The following ZFYVE16 variants were observed in gnomAD, a reference collection of about 807,000 sequenced individuals.
The protein encoded by ZFYVE16 is zinc finger FYVE-type containing 16.
ZFYVE16 carries 89 observed loss-of-function variants against 138.1 expected under a neutral mutation model. That is an observed-to-expected ratio of 0.64 (90% CI 0.54 to 0.77). The LOEUF is 0.77. Among genes scored for constraint, ZFYVE16 ranks in the 30% least tolerant of loss-of-function variants. ZFYVE16 has a pLI of 0.00. For missense variants in ZFYVE16, 1,793 were observed against 1,786.7 expected, an observed-to-expected ratio of 1.00 and a Z score of -0.06; for synonymous variants, 596 against 618.3, an observed-to-expected ratio of 0.96 and a Z score of 0.53.
chr5:80,421,281 G>A (rs1304854991), intron 1 of ZFYVE16, among the ~76,000 whole-genome samples: 1 of 152,166 alleles, frequency 6.6e-6, no homozygotes, highest in African/African-American at 2.4e-5. Flanking sequence ...CTTTTGCTGT[G>A]CAGATGCTCT....
intron 6 of ZFYVE16, 77 bp downstream of exon 6, chr5:80,443,361 T>G: frequency 1.3e-6 from 2 of 1,500,106 alleles, no homozygotes; most frequent in South Asian, 2.6e-5. Context: ...CAGAGTCTAG[T>G]CAGGAAAGAG....
Position 80,438,381 on chromosome 5 carries a change from A to G in ZFYVE16, c.1696A>G (p.Met566Val), listed in dbSNP as rs773949124. 2 of 1,613,898 alleles carry G rather than the reference A, an allele frequency of 1.2e-6. No homozygotes were observed. Among genetic ancestry groups the G allele is most frequent in the East Asian group, 2.2e-5 (1 of 44,874 alleles). The change falls in exon 4 of 19, where the codon ATG (methionine) becomes GTG (valine). Residue 566 changes from methionine (M) to valine (V), a missense_variant. This residue lies in a region of ZFYVE16 where 1,295 missense variants were observed against 1,204.3 expected (regional missense o/e 1.08). Transcript: ENST00000505560. ...DSKSQMNQID[M>V]KGLDDGNINN... ...TAAATCGCAAATGAATCAGATAGAT[A>G]TGAAAGGCTTAGATGATGGAAACAT... is the stretch of plus-strand genomic sequence containing the variant.
chr5:80,455,867 A>G, intron 12 of ZFYVE16, 93 bp downstream of exon 12: 3 of 1,068,292 alleles, frequency 2.8e-6, no homozygotes, highest in Admixed American at 3.3e-5. Context: ...TCCTACTTTA[A>G]TTTGCCATAT....
rs545887924 is a variant in ZFYVE16, at chr5:80,420,666, A to G, written c.-93-6826A>G. On this transcript the variant is annotated intron_variant, in intron 1 of 18. Transcript: ENST00000505560. ...ATGCATAGTATTCCATGGTGTATAT[A>G]TGCCACATTTTCTTAATCCAGTCTA... 8.2e-3 allele frequency among the ~76,000 whole-genome samples: 1,254 copies of G among 152,270 alleles called. 7 individuals carry two copies. Among genetic ancestry groups the G allele is most frequent in the African/African-American group, 0.014 (569 of 41,562 alleles).
At position 80,448,155 on chromosome 5, in the gene ZFYVE16, A is replaced by G. The variant is rs201276987; in HGVS notation, c.2854A>G (p.Met952Val). The change falls in exon 8 of 19, where the codon ATG (methionine) becomes GTG (valine). Residue 952 changes from methionine to valine, a missense_variant. Transcript: ENST00000505560. ...GGTTCCATCAGTGGAAAAATTGTCT[A>G]TGAACACAGGAAATGAGGGGTTACC... is the stretch of plus-strand genomic sequence containing the variant. ...SQVPSVEKLS[M>V]NTGNEGLPTS... 6.8e-6 allele frequency: 11 copies of G among 1,613,914 alleles called. No homozygotes were observed. The highest frequency in any genetic ancestry group is 5.3e-5 in the African/African-American group (4 of 74,934).
At chr5:80,421,509 T>A (rs139444001) in intron 1 of ZFYVE16, among the ~76,000 whole-genome samples, 3,246 of 152,252 alleles carry the variant, frequency 0.021, 117 homozygotes, top group African/African-American at 0.072. Flanking sequence ...AGCTTTCTTT[T>A]TATGGCTAGC....
rs1752577266 is a variant in ZFYVE16, at chr5:80,456,835, C to T, written c.3796-110C>T. The T allele has an allele frequency of 3.1e-6, 4 of 1,303,676 alleles. No individual in the cohort carries two copies. In the South Asian group the frequency reaches 6.5e-5, roughly 21 times the overall value. The allele number at this position is 1,303,676 out of a possible 1,614,324, so 80.8% of individuals were successfully genotyped here. ...TCCATCACATTCCCAGGGAGCTGTCCAGACCGAAGCTTGATAATTATGAAG... is the reference window on the plus strand; with the variant it reads ...TCCATCACATTCCCAGGGAGCTGTCTAGACCGAAGCTTGATAATTATGAAG... On this transcript the variant is annotated intron_variant, in intron 13 of 18. Coordinates refer to ENST00000505560, the MANE Select transcript of ZFYVE16 (RefSeq NM_001284236.3).
At position 80,458,231 on chromosome 5, in the gene ZFYVE16, A is replaced by G. The variant is rs945837100; in HGVS notation, c.3943+1139A>G. Among the ~76,000 whole-genome samples, 6 of 152,112 alleles carry G rather than the reference A, an allele frequency of 3.9e-5. No individual in the cohort carries two copies. The East Asian group carries it at 1.2e-3, about 29-fold the overall frequency. Reference sequence around the variant, plus strand: ...TTGCCACTAAAATTTAACAATTTTTAATATTTATTTGTTGAATAGGTATAT... The same window carrying G: ...TTGCCACTAAAATTTAACAATTTTTGATATTTATTTGTTGAATAGGTATAT... On this transcript the variant is annotated intron_variant, in intron 14 of 18. Coordinates refer to ENST00000505560, the MANE Select transcript of ZFYVE16 (RefSeq NM_001284236.3).
intron 1 of ZFYVE16, among the ~76,000 whole-genome samples, chr5:80,423,702 A>C (rs1561240889): frequency 6.6e-6 from 1 of 150,576 alleles, no homozygotes; most frequent in African/African-American, 2.4e-5. Context: ...TGCCTGGCTA[A>C]TTTTTTTTGT....
intron 15 of ZFYVE16, among the ~76,000 whole-genome samples, chr5:80,470,136 C>CT (rs1474715043): frequency 7.3e-6 from 1 of 137,880 alleles, no homozygotes; most frequent in African/African-American, 2.7e-5. Flanking sequence ...GAGTCTCACC[C>CT]TTTCACCCAG....
intron 1 of ZFYVE16, among the ~76,000 whole-genome samples, chr5:80,415,330 A>G (rs1746044971): frequency 6.6e-6 from 1 of 152,244 alleles, no homozygotes; most frequent in Non-Finnish European, 1.5e-5. Context: ...TTAGTGAACT[A>G]GTATTGATAC....
chr5:80,412,504 C>CTGAA (rs1745596533), intron 1 of ZFYVE16, among the ~76,000 whole-genome samples: 1 of 152,124 alleles, frequency 6.6e-6, no homozygotes, highest in East Asian at 1.9e-4. Flanking sequence ...AATGAGATTT[C>CTGAA]ATGTTAAAAC....
Position 80,438,807 on chromosome 5 carries a change from A to G in ZFYVE16, c.2122A>G (p.Ile708Val), listed in dbSNP as rs1250777536. 1.2e-6 allele frequency: 2 copies of G among 1,613,988 alleles called. No individual in the cohort carries two copies. Among genetic ancestry groups the G allele is most frequent in the Non-Finnish European group, 1.7e-6 (2 of 1,179,964 alleles). ...QVSFNSNYID[I>V]ESNSEGGSSF... ...TAGCTTCAACTCTAATTACATTGAT[A>G]TAGAAAGTAATTCTGAAGGTGGATC... The change falls in exon 4 of 19, where the codon ATA becomes GTA. Residue 708 changes from isoleucine to valine, a missense_variant. Ile to Val is a conservative substitution (Grantham distance 29). Around this residue, in one of 2 missense-constraint regions of ZFYVE16, gnomAD observed 1,295 missense variants for 1,204.3 expected, o/e 1.08. Transcript: ENST00000505560.
In ZFYVE16 at chr5:80,414,231, C is replaced by G. The variant is rs150403434; in HGVS notation, c.-94+6078C>G. Among the ~76,000 whole-genome samples, 307 of 152,272 alleles carry G rather than the reference C, an allele frequency of 2.0e-3. 2 individuals carry two copies. Among genetic ancestry groups the G allele is most frequent in the African/African-American group, 7.1e-3 (293 of 41,544 alleles). On this transcript the variant is annotated intron_variant, in intron 1 of 18. Coordinates refer to ENST00000505560, the MANE Select transcript of ZFYVE16 (RefSeq NM_001284236.3). ...TCTCTTGAACCAGATACATCAGTCT[C>G]CTCTTAGTAGATTCAAACACATCTG...
intron 18 of ZFYVE16, among the ~76,000 whole-genome samples, chr5:80,475,562 G>C (rs1754820049): frequency 6.6e-6 from 1 of 152,128 alleles, no homozygotes; most frequent in Non-Finnish European, 1.5e-5. Context: ...TATTCTTTGT[G>C]ATTTTATGCA....
intron 2 of ZFYVE16, among the ~76,000 whole-genome samples, chr5:80,430,165 C>G (rs936044735): frequency 9.9e-5 from 15 of 152,178 alleles, no homozygotes; most frequent in African/African-American, 3.4e-4. Flanking sequence ...TGCACTTATT[C>G]CAAAATTGAC....
At chr5:80,460,330 G>A (rs137897663) in intron 15 of ZFYVE16, among the ~76,000 whole-genome samples, 29 of 152,066 alleles carry the variant, frequency 1.9e-4, no homozygotes, top group Non-Finnish European at 3.7e-4. Context: ...TGGATTGTGC[G>A]TCTTTTTCTG....
intron 5 of ZFYVE16, among the ~76,000 whole-genome samples, chr5:80,442,863 A>G (rs1750871230): frequency 1.3e-5 from 2 of 152,182 alleles, no homozygotes; most frequent in African/African-American, 4.8e-5. Context: ...AATAAGGGTT[A>G]CTCTCTGTAG....
At chr5:80,458,887 A>G (rs890480196) in intron 14 of ZFYVE16, among the ~76,000 whole-genome samples, 2 of 152,250 alleles carry the variant, frequency 1.3e-5, no homozygotes, top group Non-Finnish European at 2.9e-5. Context: ...AACATTTAAA[A>G]CAGTACAATA....
Sources: gnomAD v4.1 joint callset for allele counts (sites outside exome capture counted in the v4.1 genomes callset) on GRCh38, gnomAD v4.1.1 for gene constraint, gnomAD v4.1.1 regional missense constraint, MANE v1.5 for transcripts, NCBI Gene and HGNC (gene_info 2026-07-23, HGNC 2026-07-21) for gene names.